Variants in WASHC3 observed in about 807,000 individuals in gnomAD.
WASHC3 encodes the protein WASH complex subunit 3.
Under a neutral mutation model 26.1 loss-of-function variants are expected in WASHC3, and 24 were observed. The observed-to-expected ratio is 0.92, with a 90% CI of 0.66 to 1.29. WASHC3 has a LOEUF of 1.29. WASHC3 is among the 50% of genes most tolerant of loss of function. The probability of loss-of-function intolerance (pLI) is 0.00; values close to 1 mark genes in which losing one functional copy is unlikely to be tolerated. For missense variants in WASHC3, 214 were observed against 229.6 expected, an observed-to-expected ratio of 0.93 and a Z score of 0.44; for synonymous variants, 77 against 75.7, an observed-to-expected ratio of 1.02 and a Z score of -0.09.
Position 102,013,106 on chromosome 12 carries a change from G to A in WASHC3, c.*2C>T. ...CATATGTAATTCTTATCAAAATTAA[G>A]CTTAATCACTAAAAGAAGATTCGCT... On this transcript the variant is annotated 3_prime_UTR_variant, in exon 7 of 7. Transcript: ENST00000240079. 1 of 1,388,794 alleles carries A rather than the reference G, an allele frequency of 7.2e-7. No homozygotes were observed. Among genetic ancestry groups the A allele is most frequent in the Admixed American group, 2.0e-5 (1 of 50,918 alleles). 86.0% of individuals were successfully genotyped at this position (1,388,794 alleles called of 1,614,324 possible). A position where few individuals can be genotyped will look rare whatever the true frequency, so the allele number is the denominator to read the frequency against.
chr12:102,054,237 A>G (rs1028953971), intron 2 of WASHC3, among the ~76,000 whole-genome samples: 1 of 152,246 alleles, frequency 6.6e-6, no homozygotes, highest in African/African-American at 2.4e-5. Flanking sequence ...TTATCTATCA[A>G]TAATTACCCT....
At chr12:102,032,571 C>A (rs1877482651) in intron 5 of WASHC3, among the ~76,000 whole-genome samples, 1 of 152,072 alleles carries the variant, frequency 6.6e-6, no homozygotes, top group African/African-American at 2.4e-5. Context: ...ACTGAAAAAT[C>A]TTGTATAAAA....
Position 102,040,070 on chromosome 12 carries a change from G to A in WASHC3, c.325-92C>T, listed in dbSNP as rs776371882. 1.4e-5 allele frequency: 7 copies of A among 515,208 alleles called. 1 individual carries two copies. Among genetic ancestry groups the A allele is most frequent in the Admixed American group, 3.1e-5 (1 of 32,664 alleles). 31.9% of individuals were successfully genotyped at this position (515,208 alleles called of 1,614,324 possible). On this transcript the variant is annotated intron_variant, in intron 4 of 6. Transcript: ENST00000240079. ...GGAATGTTTCTTTCCATAATTCTAA[G>A]GCAGTAAATTGCAGAAAAAAATCAT...
At chr12:102,046,971 AAAGAG>A (rs1260433291) in intron 2 of WASHC3, among the ~76,000 whole-genome samples, 1 of 152,210 alleles carries the variant, frequency 6.6e-6, no homozygotes, top group Non-Finnish European at 1.5e-5. Context: ...TTCATTTTGG[AAAGAG>A]AAGAGAAAAA....
At chr12:102,023,496 A>C (rs1877039475) in intron 6 of WASHC3, among the ~76,000 whole-genome samples, 1 of 152,212 alleles carries the variant, frequency 6.6e-6, no homozygotes, top group African/African-American at 2.4e-5. Flanking sequence ...TCTAAATAAA[A>C]GTGTACTCTT....
At chr12:102,042,414 T>A (rs746439367) in intron 4 of WASHC3, among the ~76,000 whole-genome samples, 6 of 152,182 alleles carry the variant, frequency 3.9e-5, no homozygotes, top group Non-Finnish European at 5.9e-5. Context: ...TATGTTTAAA[T>A]AAATTGAATA....
At chr12:102,013,224 C>A in intron 6 of WASHC3, 32 bp from the exon 7 acceptor site, 1 of 1,126,348 alleles carries the variant, frequency 8.9e-7, no homozygotes. Flanking sequence ...TTTCAAAGGT[C>A]TTTTCCAATT....
chr12:102,013,695 G>T (rs1367643640), intron 6 of WASHC3, among the ~76,000 whole-genome samples: 4 of 152,218 alleles, frequency 2.6e-5, no homozygotes, highest in African/African-American at 9.6e-5. Context: ...GCGAAGGAGA[G>T]TGCCTGGTCG....
chr12:102,017,471 T>G (rs1876756596), intron 6 of WASHC3, among the ~76,000 whole-genome samples: 1 of 152,190 alleles, frequency 6.6e-6, no homozygotes, highest in African/African-American at 2.4e-5. Context: ...CGAGTAAGAC[T>G]TTGCCAGAAA....
intron 1 of WASHC3, 56 bp downstream of exon 1, chr12:102,061,856 C>G: frequency 6.8e-7 from 1 of 1,475,326 alleles, no homozygotes; most frequent in Non-Finnish European, 9.3e-7. Flanking sequence ...CGGAAAGCTG[C>G]GTCTTCCCCA....
chr12:102,061,402 TC>T, intron 1 of WASHC3, 56 bp from the exon 2 acceptor site: 4 of 1,153,428 alleles, frequency 3.5e-6, no homozygotes, highest in Non-Finnish European at 5.2e-6. Flanking sequence ...ACAGTGCAAA[TC>T]TTTTCATATT....
At chr12:102,015,311 A>G (rs12366865) in intron 6 of WASHC3, among the ~76,000 whole-genome samples, 22,028 of 152,188 alleles carry the variant, frequency 0.14, 1,737 homozygotes, top group Non-Finnish European at 0.18. Flanking sequence ...GGAAAAGGGT[A>G]AAAGCAGCTT....
At chr12:102,049,026 T>C (rs1878281514) in intron 2 of WASHC3, among the ~76,000 whole-genome samples, 2 of 152,378 alleles carry the variant, frequency 1.3e-5, no homozygotes, top group South Asian at 4.1e-4. Flanking sequence ...ATTTATGGGC[T>C]GCTGAAGTTC....
At chr12:102,037,958 G>A (rs1215869969) in intron 5 of WASHC3, among the ~76,000 whole-genome samples, 1 of 152,000 alleles carries the variant, frequency 6.6e-6, no homozygotes, top group Non-Finnish European at 1.5e-5. Context: ...ACCATGACCA[G>A]CTAATTTTGT....
chr12:102,033,172 AGGAAGCCAAAG>A (rs773363873), intron 5 of WASHC3, among the ~76,000 whole-genome samples: 2 of 152,094 alleles, frequency 1.3e-5, no homozygotes, highest in Non-Finnish European at 2.9e-5. Context: ...CAGTTTAGAG[AGGAAGCCAAAG>A]GGGTCTGTAG....
At chr12:102,061,416 G>T (rs1878807143) in intron 1 of WASHC3, 70 bp from the exon 2 acceptor site, 2 of 1,017,654 alleles carry the variant, frequency 2.0e-6, no homozygotes, top group Admixed American at 1.9e-5. Flanking sequence ...TTCATATTTG[G>T]ACATAATCAC....
rs151151284 is a variant in WASHC3 at position 102,039,127 on chromosome 12, G to GTTTTTTTTTTTTTTTTTTTTTTTTTT, written c.435+740_435+741insAAAAAAAAAAAAAAAAAAAAAAAAAA. 2.4e-5 allele frequency among the ~76,000 whole-genome samples: 2 copies of GTTTTTTTTTTTTTTTTTTTTTTTTTT among 84,272 alleles called. 1 individual carries two copies. 55.3% of individuals were successfully genotyped at this position (84,272 alleles called of 152,430 possible). A position where few individuals can be genotyped will look rare whatever the true frequency, so the allele number is the denominator to read the frequency against. On this transcript the variant is annotated intron_variant, in intron 5 of 6. Coordinates refer to ENST00000240079, the MANE Select transcript of WASHC3 (RefSeq NM_016053.4). The stretch of plus-strand genomic sequence containing the variant: ...AGGTGCATGCCATCATATGGAGTTA[G>GTTTTTTTTTTTTTTTTTTTTTTTTTT]GTTTTTTTTTTTTTTTTTTTTTTTA...
chr12:102,061,436 T>C lies in WASHC3; in HGVS notation c.52-90A>G, dbSNP rs574413173. 5.8e-5 allele frequency: 48 copies of C among 825,428 alleles called. No homozygotes were observed. The African/African-American group carries it at 5.9e-4, about 10-fold the overall frequency. The allele number at this position is 825,428 out of a possible 1,614,324, so 51.1% of individuals were successfully genotyped here. ...ATTTGGACATAATCACGAGGCACTT[T>C]GCTGTGTGATATGAATTTCTTGAAG... is the stretch of plus-strand genomic sequence containing the variant. On this transcript the variant is annotated intron_variant, in intron 1 of 6. Coordinates refer to ENST00000240079, the MANE Select transcript of WASHC3 (RefSeq NM_016053.4).
rs571910631 is a variant in WASHC3 at position 102,013,335 on chromosome 12, G to A, written c.501-143C>T. The A allele has an allele frequency of 2.4e-5, 14 of 594,122 alleles. No homozygotes were observed. In the East Asian group the frequency reaches 4.0e-4, roughly 17 times the overall value. 36.8% of individuals were successfully genotyped at this position (594,122 alleles called of 1,614,324 possible). A position where few individuals can be genotyped will look rare whatever the true frequency, so the allele number is the denominator to read the frequency against. Reference sequence around the variant, plus strand: ...CCTCAGTCTCCTGCTCTACACCACAGCGTGCTTCTCTCGGGCTTCTTGGGC... The same window carrying A: ...CCTCAGTCTCCTGCTCTACACCACAACGTGCTTCTCTCGGGCTTCTTGGGC... On this transcript the variant is annotated intron_variant, in intron 6 of 6. Transcript: ENST00000240079.
Sources: gnomAD v4.1 joint callset for allele counts (sites outside exome capture counted in the v4.1 genomes callset) on GRCh38, gnomAD v4.1.1 for gene constraint, MANE v1.5 for transcripts, NCBI Gene and HGNC (gene_info 2026-07-23, HGNC 2026-07-21) for gene names.